The following PBX3 variants were observed in gnomAD, a reference collection of about 807,000 sequenced individuals.
PBX3 encodes the protein pre-B-cell leukemia transcription factor 3.
A neutral mutation model predicts 48.5 loss-of-function variants in PBX3; 14 were observed. The observed-to-expected ratio is 0.29, with a 90% confidence interval of 0.19 to 0.45. The LOEUF (loss-of-function observed/expected upper bound fraction) is 0.45. PBX3 is among the 20% of genes least tolerant of loss of function. The pLI is 1.00. For missense variants in PBX3, 386 were observed against 546.7 expected (o/e 0.71, Z 2.93); for synonymous variants, 210 against 200.3 (o/e 1.05, Z -0.41).
chr9:125,929,321 C>T (rs1383322749), intron 3 of PBX3, among the ~76,000 whole-genome samples: 1 of 152,094 alleles, frequency 6.6e-6, no homozygotes, highest in Non-Finnish European at 1.5e-5. Flanking sequence ...ATAGGTGGTA[C>T]TTAGTATTAA....
intron 2 of PBX3, among the ~76,000 whole-genome samples, chr9:125,754,561 AAT>A (rs1260239088): frequency 2.0e-5 from 3 of 150,818 alleles, no homozygotes; most frequent in Admixed American, 6.7e-5. Flanking sequence ...CTACTGAAAA[AAT>A]AAACCACCTT....
intron 2 of PBX3, among the ~76,000 whole-genome samples, chr9:125,816,577 C>T (rs1335095798): frequency 6.6e-6 from 1 of 152,158 alleles, no homozygotes; most frequent in Non-Finnish European, 1.5e-5. Flanking sequence ...ATTAGAGCGG[C>T]TAAGTAAGGG....
chr9:125,858,696 G>T (rs1176325600), intron 2 of PBX3, among the ~76,000 whole-genome samples: 1 of 147,082 alleles, frequency 6.8e-6, no homozygotes, highest in African/African-American at 2.5e-5. Flanking sequence ...CACGATCTCG[G>T]CTCACTGCAA....
At chr9:125,793,366 A>AAAAAAATATATATATATATATATATATAT (rs59271982) in intron 2 of PBX3, among the ~76,000 whole-genome samples, 2 of 101,974 alleles carry the variant, frequency 2.0e-5, no homozygotes, top group African/African-American at 8.5e-5. Flanking sequence ...GGAAAAAAAA[A>AAAAAAATATATATATATATATATATATAT]ATATATATAT....
intron 2 of PBX3, among the ~76,000 whole-genome samples, chr9:125,908,979 T>C (rs1841140887): frequency 6.6e-6 from 1 of 152,108 alleles, no homozygotes; most frequent in South Asian, 2.1e-4. Flanking sequence ...TTTCACTGTC[T>C]CATGCAAGCA....
chr9:125,842,512 C>T (rs1588209221), intron 2 of PBX3, among the ~76,000 whole-genome samples: 2 of 152,234 alleles, frequency 1.3e-5, no homozygotes, highest in East Asian at 3.9e-4. Context: ...AAAATAGCAG[C>T]TTCAGTTAAA....
chr9:125,766,798 A>T (rs1301766087), intron 2 of PBX3, among the ~76,000 whole-genome samples: 1 of 152,210 alleles, frequency 6.6e-6, no homozygotes, highest in African/African-American at 2.4e-5. Flanking sequence ...TGATAAATTA[A>T]ATAATTATCT....
At chr9:125,868,752 G>C (rs1434615190) in intron 2 of PBX3, among the ~76,000 whole-genome samples, 1 of 152,146 alleles carries the variant, frequency 6.6e-6, no homozygotes, top group Non-Finnish European at 1.5e-5. Flanking sequence ...CAGTTGATTT[G>C]GTAATGGAAA....
chr9:125,748,391 G>A (rs1588111819), intron 1 of PBX3, 159 bp from the exon 2 acceptor site: 1 of 1,376,260 alleles, frequency 7.3e-7, no homozygotes, highest in East Asian at 2.7e-5. Context: ...GCTGGCTGTC[G>A]GGAACTAGTC....
intron 2 of PBX3, among the ~76,000 whole-genome samples, chr9:125,907,176 A>G (rs1307974580): frequency 6.6e-6 from 1 of 152,060 alleles, no homozygotes; most frequent in Non-Finnish European, 1.5e-5. Context: ...AACTTAGGTC[A>G]TAATAATTGA....
chr9:125,961,401 C>T (rs778490493), intron 6 of PBX3, among the ~76,000 whole-genome samples: 1 of 152,156 alleles, frequency 6.6e-6, no homozygotes, highest in Admixed American at 6.5e-5. Flanking sequence ...CTTGGATCCT[C>T]GTCCGGTACA....
chr9:125,898,015 A>G (rs10987007), intron 2 of PBX3, among the ~76,000 whole-genome samples: 3,237 of 151,946 alleles, frequency 0.021, 175 homozygotes, highest in East Asian at 0.17. Context: ...AAATATAGTA[A>G]TCTACACATA....
At chr9:125,785,195 A>G (rs1837427060) in intron 2 of PBX3, among the ~76,000 whole-genome samples, 1 of 152,168 alleles carries the variant, frequency 6.6e-6, no homozygotes, top group African/African-American at 2.4e-5. Context: ...TTAGTTGTCA[A>G]CTTGATTGGG....
chr9:125,944,044 T>C (rs1407626883), intron 5 of PBX3, among the ~76,000 whole-genome samples: 1 of 152,108 alleles, frequency 6.6e-6, no homozygotes, highest in Non-Finnish European at 1.5e-5. Context: ...CATGACAGGG[T>C]AGAGAGTGGA....
chr9:125,914,542 G>A (rs555349708), intron 2 of PBX3, among the ~76,000 whole-genome samples: 360 of 150,366 alleles, frequency 2.4e-3, no homozygotes, highest in African/African-American at 8.5e-3. Flanking sequence ...GCTTATAGAT[G>A]TTATGTCATG....
intron 2 of PBX3, among the ~76,000 whole-genome samples, chr9:125,841,642 G>C (rs983067380): frequency 1.3e-5 from 2 of 152,276 alleles, no homozygotes; most frequent in Admixed American, 6.5e-5. Context: ...GCTGGTGTAT[G>C]ACTTGTTTTG....
intron 3 of PBX3, among the ~76,000 whole-genome samples, chr9:125,921,151 G>GT (rs2132484943): frequency 6.6e-6 from 1 of 152,300 alleles, no homozygotes; most frequent in South Asian, 2.1e-4. Context: ...CAAGGGAAGA[G>GT]TTTTATTTCT....
At chr9:125,965,783 G>A in intron 8 of PBX3, 48 bp from the exon 9 acceptor site, 1 of 1,380,706 alleles carries the variant, frequency 7.2e-7, no homozygotes, top group Non-Finnish European at 1.0e-6. Flanking sequence ...TTGGGGAGTA[G>A]AATTAATATG....
At chr9:125,764,484 T>C (rs1197867082) in intron 2 of PBX3, among the ~76,000 whole-genome samples, 1 of 152,216 alleles carries the variant, frequency 6.6e-6, no homozygotes, top group African/African-American at 2.4e-5. Context: ...GTTCTTGGCA[T>C]TGTCAGCCTA....
Sources: gnomAD v4.1 joint callset for allele counts (sites outside exome capture counted in the v4.1 genomes callset) on GRCh38, gnomAD v4.1.1 for gene constraint, MANE v1.5 for transcripts, NCBI Gene and HGNC (gene_info 2026-07-23, HGNC 2026-07-21) for gene names.